Variants in KCNIP4 observed in about 807,000 individuals in gnomAD.
KCNIP4 encodes potassium voltage-gated channel interacting protein 4.
A neutral mutation model predicts 34.0 loss-of-function variants in KCNIP4; 12 were observed. That is an observed-to-expected ratio of 0.35 (90% CI 0.23 to 0.57). The LOEUF (loss-of-function observed/expected upper bound fraction) is 0.57, where lower values mean the gene tolerates loss of function less well. Ranked by LOEUF, KCNIP4 falls within the 20% of genes least tolerant of loss-of-function variation. KCNIP4 has a pLI of 0.83. For synonymous variants in KCNIP4, 124 were observed against 102.2 expected (o/e 1.21, Z -1.29); for missense variants, 238 against 311.7 (o/e 0.76, Z 1.78).
chr4:21,814,153 T>A (rs922743991), intron 1 of KCNIP4, among the ~76,000 whole-genome samples: 8 of 152,174 alleles, frequency 5.3e-5, no homozygotes, highest in African/African-American at 1.9e-4. Flanking sequence ...CACGAGGTTA[T>A]AATTCACATA....
At position 21,119,443 on chromosome 4, in the gene KCNIP4, G is replaced by GT. The variant is rs1749957220; in HGVS notation, c.62-236735_62-236734insA. ...TGAGTACACTGATGTCTGTGGGTTGGGTCACACCAACCCACAGACATCAGT... is the reference window on the plus strand; with the variant it reads ...TGAGTACACTGATGTCTGTGGGTTGGTGTCACACCAACCCACAGACATCAGT... On this transcript the variant is annotated intron_variant, in intron 1 of 8. Transcript: ENST00000382152. Among the ~76,000 whole-genome samples, 4 of 143,282 alleles carry GT rather than the reference G, an allele frequency of 2.8e-5. 1 individual carries two copies. Among genetic ancestry groups the GT allele is most frequent in the African/African-American group, 7.6e-5 (3 of 39,678 alleles). 94.0% of individuals were successfully genotyped at this position (143,282 alleles called of 152,430 possible).
intron 1 of KCNIP4, among the ~76,000 whole-genome samples, chr4:21,382,967 A>G (rs1368107410): frequency 6.6e-6 from 1 of 152,196 alleles, no homozygotes; most frequent in African/African-American, 2.4e-5. Flanking sequence ...ATATGACTGC[A>G]TTTGGAGACA....
intron 1 of KCNIP4, among the ~76,000 whole-genome samples, chr4:21,021,854 A>C (rs62293777): frequency 2.2e-5 from 3 of 134,232 alleles, no homozygotes; most frequent in African/African-American, 8.4e-5. Context: ...TGAAAAGTAT[A>C]GTATCGTATA....
At chr4:20,756,120 A>G (rs893753609) in intron 4 of KCNIP4, among the ~76,000 whole-genome samples, 2 of 151,926 alleles carry the variant, frequency 1.3e-5, no homozygotes, top group African/African-American at 4.8e-5. Flanking sequence ...TTTGGAGACT[A>G]CTGTGTTTAT....
At chr4:21,047,385 G>A (rs562229141) in intron 1 of KCNIP4, among the ~76,000 whole-genome samples, 3 of 152,288 alleles carry the variant, frequency 2.0e-5, no homozygotes, top group South Asian at 4.1e-4. Context: ...ATAATGAAAT[G>A]ATAGCTACCA....
At chr4:21,262,590 T>C (rs1761541929) in intron 1 of KCNIP4, among the ~76,000 whole-genome samples, 1 of 152,188 alleles carries the variant, frequency 6.6e-6, no homozygotes. Context: ...CCTCTGAGGA[T>C]CTTTGCTTGA....
intron 1 of KCNIP4, among the ~76,000 whole-genome samples, chr4:21,268,476 T>A (rs1389283474): frequency 6.6e-6 from 1 of 152,166 alleles, no homozygotes; most frequent in Non-Finnish European, 1.5e-5. Context: ...TTTCCTCTCA[T>A]TAATTAGCTA....
At chr4:21,420,352 T>C (rs1725343919) in intron 1 of KCNIP4, among the ~76,000 whole-genome samples, 1 of 152,234 alleles carries the variant, frequency 6.6e-6, no homozygotes, top group South Asian at 2.1e-4. Flanking sequence ...ATCTTGTTTA[T>C]GAACTGCTGT....
At chr4:21,790,627 C>G (rs1720214867) in intron 1 of KCNIP4, among the ~76,000 whole-genome samples, 1 of 151,652 alleles carries the variant, frequency 6.6e-6, no homozygotes, top group Non-Finnish European at 1.5e-5. Flanking sequence ...AACTTTCAAC[C>G]AGAAGAGGGC....
chr4:21,188,697 T>C (rs577425113), intron 1 of KCNIP4, among the ~76,000 whole-genome samples: 33 of 152,344 alleles, frequency 2.2e-4, no homozygotes, highest in Non-Finnish European at 2.9e-4. Context: ...TTTCTTTATG[T>C]CTTTTTTGAG....
intron 1 of KCNIP4, among the ~76,000 whole-genome samples, chr4:21,255,914 T>C (rs1270340043): frequency 1.3e-5 from 2 of 152,188 alleles, no homozygotes; most frequent in East Asian, 1.9e-4. Flanking sequence ...GCCTATAATA[T>C]GTCAAGCAGT....
intron 1 of KCNIP4, among the ~76,000 whole-genome samples, chr4:21,872,774 T>C (rs1290994879): frequency 6.6e-6 from 1 of 152,210 alleles, no homozygotes; most frequent in East Asian, 1.9e-4. Context: ...CAAATATTTT[T>C]CAAGAATTGT....
chr4:20,764,198 TAAAGA>T (rs1241994899), intron 3 of KCNIP4, among the ~76,000 whole-genome samples: 1 of 152,088 alleles, frequency 6.6e-6, no homozygotes, highest in Non-Finnish European at 1.5e-5. Flanking sequence ...AGAAAAAAAT[TAAAGA>T]AAATGAAAAT....
intron 1 of KCNIP4, among the ~76,000 whole-genome samples, chr4:21,313,897 A>G (rs1713452296): frequency 6.6e-6 from 1 of 152,194 alleles, no homozygotes; most frequent in Admixed American, 6.5e-5. Context: ...AAATTGAGTG[A>G]CTTAGAACAA....
chr4:21,903,705 T>C (rs909161949), intron 1 of KCNIP4, among the ~76,000 whole-genome samples: 1 of 152,282 alleles, frequency 6.6e-6, no homozygotes, highest in Non-Finnish European at 1.5e-5. Flanking sequence ...TCATGAAATA[T>C]GCAATTTATT....
At chr4:21,692,994 T>G (rs1027910043) in intron 1 of KCNIP4, among the ~76,000 whole-genome samples, 1 of 151,950 alleles carries the variant, frequency 6.6e-6, no homozygotes, top group Non-Finnish European at 1.5e-5. Context: ...AGGTTGGAAA[T>G]ATGATTCTGT....
chr4:21,157,177 G>T (rs1165141650), intron 1 of KCNIP4, among the ~76,000 whole-genome samples: 1 of 152,048 alleles, frequency 6.6e-6, no homozygotes, highest in Non-Finnish European at 1.5e-5. Flanking sequence ...TAGAAATAAT[G>T]CTGGAAATCT....
chr4:21,262,582 T>C (rs1176852774), intron 1 of KCNIP4, among the ~76,000 whole-genome samples: 2 of 152,228 alleles, frequency 1.3e-5, no homozygotes, highest in East Asian at 1.9e-4. Context: ...CCAGTTATCC[T>C]CTGAGGATCT....
intron 1 of KCNIP4, among the ~76,000 whole-genome samples, chr4:21,190,759 A>G (rs1454276235): frequency 6.6e-6 from 1 of 152,252 alleles, no homozygotes; most frequent in African/African-American, 2.4e-5. Context: ...AATGGCCAGT[A>G]GCCATAAAAT....
Sources: gnomAD v4.1 joint callset for allele counts (sites outside exome capture counted in the v4.1 genomes callset) on GRCh38, gnomAD v4.1.1 for gene constraint, MANE v1.5 for transcripts, NCBI Gene and HGNC (gene_info 2026-07-23, HGNC 2026-07-21) for gene names.